The following GAB2 variants were observed in gnomAD, a reference collection of about 807,000 sequenced individuals.
GAB2 encodes GRB2 associated binding protein 2, also known as GRB2-associated-binding protein 2.
In GAB2, 26 loss-of-function variants were observed where a neutral mutation model predicts 65.5. That is an observed-to-expected ratio of 0.40 (90% confidence interval 0.29 to 0.55). The LOEUF (loss-of-function observed/expected upper bound fraction) is 0.55. Among genes scored for constraint, GAB2 ranks in the 20% least tolerant of loss-of-function variants. The pLI is 0.53. For missense variants in GAB2, 884 were observed against 875.8 expected (o/e 1.01, Z -0.12); for synonymous variants, 321 against 329.6 (o/e 0.97, Z 0.28).
chr11:78,231,336 G>GGTGGGTGT (rs1554975135), intron 3 of GAB2, among the ~76,000 whole-genome samples: 1 of 145,796 alleles, frequency 6.9e-6, no homozygotes, highest in Non-Finnish European at 1.5e-5. Context: ...GCGCGTGTGT[G>GGTGGGTGT]GTGTGTGTGT....
intron 1 of GAB2, among the ~76,000 whole-genome samples, chr11:78,346,722 A>ATATATATATATATATATATATT (rs1565168352): frequency 3.2e-5 from 1 of 30,794 alleles, no homozygotes. Flanking sequence ...TATATATATA[A>ATATATATATATATATATATATT]TTTTTTTTTT....
In GAB2 at chr11:78,221,790, AAGG is replaced by A; in HGVS notation, c.1659-14_1659-12del. 6.3e-7 allele frequency: 1 copy of A among 1,595,602 alleles called. No homozygotes were observed. Among genetic ancestry groups the A allele is most frequent in the African/African-American group, 1.3e-5 (1 of 74,652 alleles). ...GAGTTGAAGGTGTGGCTGTTGTGGG[AAGG>A]AAGAGTTAACACTGGGGAAGCTGCA... On this transcript the variant is annotated splice_polypyrimidine_tract_variant and intron_variant, in intron 7 of 9. Coordinates refer to ENST00000361507, the MANE Select transcript of GAB2 (RefSeq NM_080491.3).
At chr11:78,257,007 C>T (rs887309141) in intron 2 of GAB2, among the ~76,000 whole-genome samples, 4 of 145,932 alleles carry the variant, frequency 2.7e-5, no homozygotes, top group Non-Finnish European at 6.1e-5. Flanking sequence ...TTCTTTTAAA[C>T]AGTTTTTTTT....
intron 1 of GAB2, among the ~76,000 whole-genome samples, chr11:78,347,195 G>A (rs1856205602): frequency 6.6e-6 from 1 of 152,162 alleles, no homozygotes; most frequent in Non-Finnish European, 1.5e-5. Context: ...AAGCTTTTGA[G>A]ATACAGACCT....
At chr11:78,253,588 C>T (rs76259968) in intron 2 of GAB2, among the ~76,000 whole-genome samples, 1,989 of 152,200 alleles carry the variant, frequency 0.013, 38 homozygotes, top group African/African-American at 0.045. Context: ...AGCCCTGCAC[C>T]CAGCCTCTTT....
chr11:78,355,844 C>A (rs553150255), intron 1 of GAB2, among the ~76,000 whole-genome samples: 12 of 152,062 alleles, frequency 7.9e-5, no homozygotes, highest in Non-Finnish European at 1.8e-4. Flanking sequence ...CTGGCTGGGT[C>A]AGTCACTTAA....
At chr11:78,276,749 C>T (rs537833502) in intron 2 of GAB2, among the ~76,000 whole-genome samples, 33 of 152,306 alleles carry the variant, frequency 2.2e-4, no homozygotes, top group African/African-American at 7.9e-4. Context: ...TTTCATTGTA[C>T]TGAAGTCCTA....
intron 9 of GAB2, among the ~76,000 whole-genome samples, chr11:78,219,663 T>C (rs1375910978): frequency 6.6e-6 from 1 of 152,204 alleles, no homozygotes; most frequent in Non-Finnish European, 1.5e-5. Context: ...TCCCGGCTTC[T>C]GGGAGGACCC....
rs117015889 is a variant in GAB2 at position 78,410,965 on chromosome 11, G to A, written c.75+6681C>T. On this transcript the variant is annotated intron_variant, in intron 1 of 9. Coordinates refer to ENST00000361507, the MANE Select transcript of GAB2 (RefSeq NM_080491.3). ...GGAGTGTGAGACCAGCCTGGGCAACGCAGGGAGACCCTGTCTCTACAAATA... is the reference window on the plus strand; with the variant it reads ...GGAGTGTGAGACCAGCCTGGGCAACACAGGGAGACCCTGTCTCTACAAATA... Among the ~76,000 whole-genome samples, 17 of 151,778 alleles carry A rather than the reference G, an allele frequency of 1.1e-4. No homozygotes were observed. In the East Asian group the frequency reaches 3.3e-3, roughly 30 times the overall value.
intron 1 of GAB2, among the ~76,000 whole-genome samples, chr11:78,290,202 C>T (rs4291702): frequency 0.27 from 40,864 of 151,936 alleles, 6,601 homozygotes; most frequent in African/African-American, 0.44. Context: ...GTAGTAATAA[C>T]GGAGACAAAA....
At chr11:78,351,188 T>C (rs1591058881) in intron 1 of GAB2, among the ~76,000 whole-genome samples, 1 of 151,998 alleles carries the variant, frequency 6.6e-6, no homozygotes, top group Non-Finnish European at 1.5e-5. Context: ...GCCTAGTACC[T>C]GTATTCTAGC....
intron 1 of GAB2, among the ~76,000 whole-genome samples, chr11:78,312,940 G>T (rs190192340): frequency 2.0e-5 from 3 of 151,926 alleles, no homozygotes; most frequent in African/African-American, 7.3e-5. Flanking sequence ...TGGCAGAAAC[G>T]GGAACTAAAA....
chr11:78,365,392 T>C (rs777572456), intron 1 of GAB2, among the ~76,000 whole-genome samples: 16 of 152,178 alleles, frequency 1.1e-4, no homozygotes, highest in Non-Finnish European at 1.9e-4. Context: ...GCTTACTAAA[T>C]GCTAATTAGA....
At position 78,226,882 on chromosome 11, in the gene GAB2, T is replaced by G. The variant is rs199661541; in HGVS notation, c.790A>C (p.Ser264Arg). Residue 264 changes from serine to arginine, a missense_variant, in exon 4 of 10, where the codon AGT (serine) becomes CGT (arginine). Transcript: ENST00000361507. ...AGGCTGCGGGGGAGGTCGTAGGTAC[T>G]GTCTCTGAATTCTGTATTGTGCCGG... The part of the protein sequence containing the change: ...PSRHNTEFRD[S>R]TYDLPRSLAS... 6.2e-7 allele frequency: 1 copy of G among 1,614,126 alleles called. No individual in the cohort carries two copies. The highest frequency in any genetic ancestry group is 1.1e-5 in the South Asian group (1 of 91,084).
At chr11:78,341,730 C>T (rs949333534) in intron 1 of GAB2, 2 of 982,618 alleles carry the variant, frequency 2.0e-6, no homozygotes, top group Admixed American at 6.1e-5. Flanking sequence ...AGGTACTTGC[C>T]CGCCATACTC....
intron 1 of GAB2, among the ~76,000 whole-genome samples, chr11:78,304,926 T>A (rs1030158034): frequency 2.6e-5 from 4 of 152,312 alleles, no homozygotes; most frequent in Non-Finnish European, 5.9e-5. Flanking sequence ...TGCTTTAATG[T>A]GATATTCCCT....
intron 1 of GAB2, among the ~76,000 whole-genome samples, chr11:78,410,459 G>A (rs564193003): frequency 3.3e-5 from 5 of 152,346 alleles, no homozygotes; most frequent in South Asian, 2.1e-4. Context: ...AGCTGAGATC[G>A]TGCCATTGCA....
At chr11:78,372,485 T>TA (rs147599402) in intron 1 of GAB2, among the ~76,000 whole-genome samples, 4,265 of 152,270 alleles carry the variant, frequency 0.028, 169 homozygotes, top group African/African-American at 0.09. Flanking sequence ...TCTACTTCTC[T>TA]AAAAAAACTT....
At chr11:78,292,157 G>C (rs1866700449) in intron 1 of GAB2, among the ~76,000 whole-genome samples, 2 of 152,198 alleles carry the variant, frequency 1.3e-5, no homozygotes, top group South Asian at 4.1e-4. Context: ...GTATCACCCA[G>C]TAACCTCAGT....
Sources: gnomAD v4.1 joint callset for allele counts (sites outside exome capture counted in the v4.1 genomes callset) on GRCh38, gnomAD v4.1.1 for gene constraint, MANE v1.5 for transcripts, NCBI Gene and HGNC (gene_info 2026-07-23, HGNC 2026-07-21) for gene names.